Variants in SLC28A3 observed in about 807,000 individuals in gnomAD.
SLC28A3 encodes the protein concentrative Na(+)-nucleoside cotransporter 3.
In SLC28A3, 68 loss-of-function variants were observed where a neutral mutation model predicts 84.2. The observed-to-expected ratio is 0.81, with a 90% confidence interval of 0.66 to 0.99. The LOEUF (loss-of-function observed/expected upper bound fraction) is 0.99, where lower values mean the gene tolerates loss of function less well. Ranked by LOEUF, SLC28A3 falls within the 50% of genes least tolerant of loss-of-function variation. The probability of loss-of-function intolerance (pLI) is 0.00; values close to 1 mark genes in which losing one functional copy is unlikely to be tolerated. For synonymous variants in SLC28A3, 267 were observed against 303.6 expected (o/e 0.88, Z 1.25); for missense variants, 712 against 841.5 (o/e 0.85, Z 1.90).
At chr9:84,303,615 C>G (rs1189872488) in intron 4 of SLC28A3, among the ~76,000 whole-genome samples, 1 of 152,028 alleles carries the variant, frequency 6.6e-6, no homozygotes, top group Non-Finnish European at 1.5e-5. Context: ...CCACCGTGCC[C>G]TGCCTCTTTA....
At chr9:84,286,590 T>G (rs1825000320) in intron 12 of SLC28A3, among the ~76,000 whole-genome samples, 1 of 151,952 alleles carries the variant, frequency 6.6e-6, no homozygotes, top group African/African-American at 2.4e-5. Flanking sequence ...TTGGGGACAT[T>G]TATAATAAAA....
At chr9:84,352,332 C>T in the SLC28A3 span, among the ~76,000 whole-genome samples, 11 of 151,840 alleles carry the variant, frequency 7.2e-5, no homozygotes, top group East Asian at 3.9e-4. Context: ...TACAGGCACC[C>T]GCCATCACAC....
At chr9:84,303,118 A>T (rs1195688619) in intron 4 of SLC28A3, among the ~76,000 whole-genome samples, 1 of 152,020 alleles carries the variant, frequency 6.6e-6, no homozygotes, top group African/African-American at 2.4e-5. Flanking sequence ...TCCCAGAAAA[A>T]CCTTAAAAAC....
chr9:84,322,987 C>G (rs1020571926), intron 1 of SLC28A3, among the ~76,000 whole-genome samples: 1 of 152,196 alleles, frequency 6.6e-6, no homozygotes, highest in Non-Finnish European at 1.5e-5. Context: ...CCATGCTCTC[C>G]TGGGCTGGCA....
At chr9:84,319,967 A>G (rs983590663) in intron 1 of SLC28A3, among the ~76,000 whole-genome samples, 1 of 151,050 alleles carries the variant, frequency 6.6e-6, no homozygotes, top group African/African-American at 2.4e-5. Context: ...AAAAATTCAT[A>G]GATAAGTATC....
intron 2 of SLC28A3, 77 bp downstream of exon 2, chr9:84,313,282 T>C (rs1826052096): frequency 7.9e-7 from 1 of 1,268,892 alleles, no homozygotes; most frequent in East Asian, 2.3e-5. Context: ...CCATGCTTTC[T>C]GTGCCCACTG....
intron 3 of SLC28A3, among the ~76,000 whole-genome samples, chr9:84,308,996 G>T (rs766920437): frequency 6.6e-6 from 1 of 152,176 alleles, no homozygotes. Context: ...TTGAGAAGAT[G>T]AATTAACTGC....
chr9:84,337,432 C>CTGTGTGTGTGTGTGTG (rs111293078), intron 1 of SLC28A3, among the ~76,000 whole-genome samples: 22 of 151,308 alleles, frequency 1.5e-4, no homozygotes, highest in African/African-American at 5.1e-4. Context: ...GGATGCTAGC[C>CTGTGTGTGTGTGTGTG]TGTGTGTGTG....
the SLC28A3 span, among the ~76,000 whole-genome samples, chr9:84,357,466 C>T: frequency 6.6e-6 from 1 of 151,802 alleles, no homozygotes; most frequent in Non-Finnish European, 1.5e-5. Context: ...GTATTAATTA[C>T]AGGAAGTAAG....
Position 84,313,540 on chromosome 9 carries a change from G to A in SLC28A3, c.61-86C>T, listed in dbSNP as rs141818756. The A allele has an allele frequency of 1.9e-4, 199 of 1,064,622 alleles. No homozygotes were observed. In the African/African-American group the frequency reaches 2.9e-3, roughly 15 times the overall value. The allele number at this position is 1,064,622 out of a possible 1,614,324, so 65.9% of individuals were successfully genotyped here. A position where few individuals can be genotyped will look rare whatever the true frequency, so the allele number is the denominator to read the frequency against. ...CATGAAAAATACCTAGAGGAATTTG[G>A]AGGATGAGACAAACAAAGATTAGGT... On this transcript the variant is annotated intron_variant, in intron 1 of 17. Transcript: ENST00000376238.
intron 1 of SLC28A3, 39 bp from the exon 2 acceptor site, chr9:84,313,493 A>C (rs1480680379): frequency 5.2e-6 from 8 of 1,544,322 alleles, no homozygotes; most frequent in Non-Finnish European, 6.2e-6. Context: ...AAAAAGTTAC[A>C]GCCAAAAGAC....
chr9:84,332,477 GCTTTTAAAAATTT>G (rs1826826486), intron 1 of SLC28A3, among the ~76,000 whole-genome samples: 1 of 151,870 alleles, frequency 6.6e-6, no homozygotes, highest in African/African-American at 2.4e-5. Flanking sequence ...AACTGAAGAG[GCTTTTAAAAATTT>G]CATGTATTAA....
intron 1 of SLC28A3, among the ~76,000 whole-genome samples, chr9:84,322,991 G>A (rs1467635502): frequency 6.6e-6 from 1 of 152,192 alleles, no homozygotes; most frequent in Non-Finnish European, 1.5e-5. Flanking sequence ...GCTCTCCTGG[G>A]CTGGCAGGGA....
At position 84,288,153 on chromosome 9, in the gene SLC28A3, G is replaced by A. The variant is rs766691505; in HGVS notation, c.1175C>T (p.Ala392Val). ...TGACGCAGGTGCTGACATAACTGAC[G>A]CTGTTAACAAGTGGGAGGATGGAAC... ...FGVPSSHLLTASVMSAPASLA... is the reference protein window; with the variant it reads ...FGVPSSHLLTVSVMSAPASLA... The change falls in exon 12 of 18, where the codon GCG becomes GTG. Residue 392 changes from alanine to valine, a missense_variant. Physicochemically the swap from Ala to Val is moderately conservative, Grantham distance 64 (BLOSUM62 0). Coordinates refer to ENST00000376238, the MANE Select transcript of SLC28A3 (RefSeq NM_001199633.2). 5.0e-6 allele frequency: 8 copies of A among 1,613,940 alleles called. No homozygotes were observed. Among genetic ancestry groups the A allele is most frequent in the South Asian group, 3.3e-5 (3 of 91,082 alleles).
At chr9:84,313,148 G>A (rs1254858493) in intron 2 of SLC28A3, among the ~76,000 whole-genome samples, 3 of 152,208 alleles carry the variant, frequency 2.0e-5, no homozygotes, top group African/African-American at 4.8e-5. Context: ...TCCCATCAGG[G>A]AACTCTGAGG....
intron 1 of SLC28A3, among the ~76,000 whole-genome samples, chr9:84,315,021 G>A (rs1275063375): frequency 1.3e-5 from 2 of 152,128 alleles, no homozygotes; most frequent in East Asian, 3.8e-4. Flanking sequence ...AGGTTGCAGT[G>A]AGCTGAGATC....
intron 4 of SLC28A3, among the ~76,000 whole-genome samples, chr9:84,303,804 C>A (rs1021699143): frequency 1.3e-5 from 2 of 152,284 alleles, no homozygotes; most frequent in African/African-American, 4.8e-5. Context: ...GGTAACACTG[C>A]TATTTTTTAA....
At chr9:84,331,431 A>G (rs1826782783) in intron 1 of SLC28A3, among the ~76,000 whole-genome samples, 2 of 152,142 alleles carry the variant, frequency 1.3e-5, no homozygotes, top group African/African-American at 4.8e-5. Context: ...CTTGACAAGA[A>G]GTCTACACCT....
At chr9:84,299,858 T>C (rs1157263742) in intron 5 of SLC28A3, 133 bp from the exon 6 acceptor site, 2 of 1,020,228 alleles carry the variant, frequency 2.0e-6, no homozygotes, top group Non-Finnish European at 2.7e-6. Flanking sequence ...AATGGAGCGA[T>C]CTTGGCTCAC....
Sources: gnomAD v4.1 joint callset for allele counts (sites outside exome capture counted in the v4.1 genomes callset) on GRCh38, gnomAD v4.1.1 for gene constraint, MANE v1.5 for transcripts, NCBI Gene and HGNC (gene_info 2026-07-23, HGNC 2026-07-21) for gene names.